Variants in ZPBP observed in about 807,000 individuals in gnomAD.
The protein encoded by ZPBP is zona pellucida binding protein.
A neutral mutation model predicts 44.8 loss-of-function variants in ZPBP; 26 were observed. The observed-to-expected ratio is 0.58, with a 90% CI of 0.43 to 0.81. The LOEUF is 0.81. Ranked by LOEUF, ZPBP falls within the 30% of genes least tolerant of loss-of-function variation. The probability of loss-of-function intolerance (pLI) is 0.00; values close to 1 mark genes in which losing one functional copy is unlikely to be tolerated. For synonymous variants in ZPBP, 174 were observed against 153.2 expected, an observed-to-expected ratio of 1.14 and a Z score of -1.00; for missense variants, 409 against 434.0, an observed-to-expected ratio of 0.94 and a Z score of 0.51.
At chr7:50,030,244 G>A (rs1799543074) in intron 5 of ZPBP, among the ~76,000 whole-genome samples, 1 of 152,056 alleles carries the variant, frequency 6.6e-6, no homozygotes, top group Non-Finnish European at 1.5e-5. Context: ...GGGAAGGACA[G>A]GGAAGGGAAG....
chr7:50,001,316 T>G (rs1350663996), intron 6 of ZPBP, among the ~76,000 whole-genome samples: 1 of 152,300 alleles, frequency 6.6e-6, no homozygotes, highest in Middle Eastern at 3.4e-3. Context: ...GTATTTGCTA[T>G]GACAGGAACC....
chr7:49,967,212 C>G (rs542535782), intron 7 of ZPBP, among the ~76,000 whole-genome samples: 1 of 152,320 alleles, frequency 6.6e-6, no homozygotes, highest in Non-Finnish European at 1.5e-5. Flanking sequence ...GATGATTATT[C>G]TCAAGCCTTA....
At chr7:50,055,711 G>A (rs1248579353) in intron 4 of ZPBP, among the ~76,000 whole-genome samples, 2 of 152,108 alleles carry the variant, frequency 1.3e-5, no homozygotes, top group African/African-American at 4.8e-5. Flanking sequence ...TTTTGCTGTT[G>A]TTGTAATAAT....
chr7:49,879,046 C>A (rs1791563256), intron 2 of ZPBP, among the ~76,000 whole-genome samples: 1 of 152,186 alleles, frequency 6.6e-6, no homozygotes, highest in Admixed American at 6.6e-5. Flanking sequence ...GTGCTCCACT[C>A]CACTGGATGT....
intron 5 of ZPBP, among the ~76,000 whole-genome samples, chr7:50,030,607 G>A (rs140240105): frequency 1.1e-3 from 173 of 152,100 alleles, no homozygotes; most frequent in African/African-American, 3.7e-3. Context: ...AAACACATGC[G>A]TGGGTATTCC....
chr7:49,897,754 C>T (rs1583782279), intron 2 of ZPBP, among the ~76,000 whole-genome samples: 1 of 152,148 alleles, frequency 6.6e-6, no homozygotes, highest in Non-Finnish European at 1.5e-5. Context: ...GAAAACCTAA[C>T]CGGTAACTGA....
rs1487250052 is a variant in ZPBP, at chr7:49,911,912, A to AATACACGC, written n.412-10698_412-10697insGCGTGTAT. The AATACACGC allele has an allele frequency of 3.2e-5, 12 of 379,680 alleles. No homozygotes were observed. In the African/African-American group the frequency reaches 3.7e-4, roughly 12 times the overall value. 23.5% of individuals were successfully genotyped at this position (379,680 alleles called of 1,614,324 possible). ...ACTCTGTCTCAAAAACAAACAAACA[A>AATACACGC]ACAAATACACGCACACACACACACA... On this transcript the variant is annotated intron_variant and non_coding_transcript_variant, in intron 1 of 2. Transcript: ENST00000465922.
At chr7:49,847,964 A>C (rs1020527840), downstream of ZPBP, among the ~76,000 whole-genome samples, 5 of 152,218 alleles carry the variant, frequency 3.3e-5, no homozygotes, top group African/African-American at 1.2e-4. Flanking sequence ...CTCCAACGTC[A>C]GCAAGGCTCA....
intron 2 of ZPBP, among the ~76,000 whole-genome samples, chr7:49,861,873 A>G (rs900509036): frequency 7.9e-5 from 12 of 152,230 alleles, no homozygotes; most frequent in African/African-American, 2.9e-4. Flanking sequence ...TTATGCCAGT[A>G]CCACACTGTT....
intron 3 of ZPBP, among the ~76,000 whole-genome samples, chr7:50,076,291 C>T (rs1242516287): frequency 3.3e-5 from 5 of 151,848 alleles, no homozygotes; most frequent in Non-Finnish European, 5.9e-5. Context: ...AAGACTTATA[C>T]AACAGACCAC....
chr7:49,979,332 A>G (rs1796672713), intron 7 of ZPBP, among the ~76,000 whole-genome samples: 1 of 152,020 alleles, frequency 6.6e-6, no homozygotes, highest in Admixed American at 6.6e-5. Flanking sequence ...TGTTTCATGG[A>G]TGCATCTCCT....
At chr7:49,884,129 C>T (rs930492075) in intron 2 of ZPBP, among the ~76,000 whole-genome samples, 1 of 152,194 alleles carries the variant, frequency 6.6e-6, no homozygotes, top group African/African-American at 2.4e-5. Context: ...GGGGTTCCTG[C>T]AGTGGCCCCT....
rs537628812 is a variant in ZPBP at position 49,851,632 on chromosome 7, G to A, written n.510-1118C>T. Among the ~76,000 whole-genome samples the A allele has an allele frequency of 2.6e-5, 4 of 152,322 alleles. No individual in the cohort carries two copies. The South Asian group carries it at 8.3e-4, about 32-fold the overall frequency. ...CCCAGCACTTCGGGAGGCCGAGGCG[G>A]GTGGATCATGAGGTCAGGAGATCGA... On this transcript the variant is annotated intron_variant and non_coding_transcript_variant, in intron 2 of 2. Transcript: ENST00000465922.
rs930596602 is a variant in ZPBP at position 50,081,652 on chromosome 7, G to A, written c.334+122C>T. ...ACATTGTTAGCTCTAACTCCAAAAG[G>A]AAATCACAAGAAAAAGAATTGAGGA... On this transcript the variant is annotated intron_variant, in intron 3 of 7. Transcript: ENST00000046087. 7 of 1,260,932 alleles carry A rather than the reference G, an allele frequency of 5.6e-6. No individual in the cohort carries two copies. The African/African-American group carries it at 6.0e-5, about 11-fold the overall frequency. 78.1% of individuals were successfully genotyped at this position (1,260,932 alleles called of 1,614,324 possible).
In ZPBP at chr7:49,983,425, G is replaced by A. The variant is rs759142273; in HGVS notation, c.878C>T (p.Thr293Ile). 1.5e-5 allele frequency: 24 copies of A among 1,612,444 alleles called. No homozygotes were observed. The highest frequency in any genetic ancestry group is 1.8e-5 in the Non-Finnish European group (21 of 1,178,816). ...GCGATTAATCCAAACCATTTGGAGA[G>A]TACCTTCAATATAGTATATTTGAGG... ...QLPQIYYIEG[T>I]LQMVWINRCF... Residue 293 changes from threonine (T) to isoleucine (I), a missense_variant, in exon 7 of 8, where the codon ACT becomes ATT. Physicochemically the swap from Thr to Ile is moderately conservative, Grantham distance 89 (BLOSUM62 -1). Transcript: ENST00000046087.
chr7:50,022,047 G>T (rs149206612), intron 5 of ZPBP, among the ~76,000 whole-genome samples: 2 of 152,014 alleles, frequency 1.3e-5, no homozygotes, highest in Non-Finnish European at 2.9e-5. Flanking sequence ...TATATTTAAA[G>T]AACTGAAATA....
chr7:50,066,272 T>C lies in ZPBP; in HGVS notation c.335-8131A>G, dbSNP rs1252086932. ...TATAAGCTCTCTTTCTTTTTTTTTTTTCTCTGATTTAATATGTGTTTTAAA... is the reference window on the plus strand; with the variant it reads ...TATAAGCTCTCTTTCTTTTTTTTTTCTCTCTGATTTAATATGTGTTTTAAA... On this transcript the variant is annotated intron_variant, in intron 3 of 7. Transcript: ENST00000046087. Among the ~76,000 whole-genome samples, 8 of 150,640 alleles carry C rather than the reference T, an allele frequency of 5.3e-5. 1 individual carries two copies. The highest frequency in any genetic ancestry group is 2.0e-4 in the African/African-American group (8 of 40,676).
At chr7:49,938,110 C>T (rs1026715292) in intron 7 of ZPBP, among the ~76,000 whole-genome samples, 6 of 152,152 alleles carry the variant, frequency 3.9e-5, no homozygotes, top group African/African-American at 1.4e-4. Context: ...GTACTGTTCC[C>T]TGGCCTGGGG....
downstream of ZPBP, among the ~76,000 whole-genome samples, chr7:49,849,472 A>G (rs1054787835): frequency 2.0e-5 from 3 of 152,078 alleles, no homozygotes; most frequent in African/African-American, 4.8e-5. Context: ...GGGTCTCTGG[A>G]TGGGGTTTGG....
Sources: gnomAD v4.1 joint callset for allele counts (sites outside exome capture counted in the v4.1 genomes callset) on GRCh38, gnomAD v4.1.1 for gene constraint, MANE v1.5 for transcripts, NCBI Gene and HGNC (gene_info 2026-07-23, HGNC 2026-07-21) for gene names.